The following AGBL4 variants were observed in gnomAD, a reference collection of about 807,000 sequenced individuals.
AGBL4 encodes cytosolic carboxypeptidase 6.
In AGBL4, 58 loss-of-function variants were observed where a neutral mutation model predicts 66.4. The observed-to-expected ratio is 0.87, with a 90% CI of 0.71 to 1.09. AGBL4 has a LOEUF of 1.09. Among genes scored for constraint, AGBL4 ranks in the 50% least tolerant of loss-of-function variants. The pLI is 0.00. For synonymous variants in AGBL4, 234 were observed against 222.9 expected (o/e 1.05, Z -0.44); for missense variants, 579 against 631.0 (o/e 0.92, Z 0.88).
At chr1:49,213,120 G>T (rs1247860603) in intron 4 of AGBL4, among the ~76,000 whole-genome samples, 1 of 152,048 alleles carries the variant, frequency 6.6e-6, no homozygotes, top group African/African-American at 2.4e-5. Context: ...TTCAATGGTG[G>T]AGAAGGGTAA....
At chr1:49,653,626 T>C (rs550012476) in intron 3 of AGBL4, among the ~76,000 whole-genome samples, 27 of 151,542 alleles carry the variant, frequency 1.8e-4, no homozygotes, top group African/African-American at 6.1e-4. Context: ...GAGATGAATA[T>C]AACTGACCTG....
chr1:48,541,428 C>A (rs1251157981), intron 11 of AGBL4, among the ~76,000 whole-genome samples: 1 of 152,202 alleles, frequency 6.6e-6, no homozygotes. Context: ...CACCTAAATA[C>A]CCACACACTC....
rs569516997 is a variant in AGBL4, at chr1:49,371,741, G to C, written c.283-125877C>G. Among the ~76,000 whole-genome samples, 11 of 151,568 alleles carry C rather than the reference G, an allele frequency of 7.3e-5. No homozygotes were observed. In the East Asian group the frequency reaches 1.9e-3, roughly 27 times the overall value. On this transcript the variant is annotated intron_variant, in intron 3 of 13. Transcript: ENST00000371839. ...ATAATGCAGAAGACTGCAGAACTTC[G>C]ATTTCAAAGCATCTGGATACCATTT... is the stretch of plus-strand genomic sequence containing the variant.
chr1:48,758,924 C>T (rs144903085), intron 6 of AGBL4: 643 of 1,543,970 alleles, frequency 4.2e-4, no homozygotes, highest in Non-Finnish European at 4.9e-4. Flanking sequence ...AGGAGCAGCA[C>T]GTCCTGGAGC....
intron 4 of AGBL4, among the ~76,000 whole-genome samples, chr1:49,160,030 G>T (rs1646510689): frequency 6.6e-6 from 1 of 152,134 alleles, no homozygotes; most frequent in Non-Finnish European, 1.5e-5. Flanking sequence ...GCTTGGAAGA[G>T]TTTGTTATTA....
chr1:49,657,646 G>T (rs1316852035), intron 3 of AGBL4, among the ~76,000 whole-genome samples: 2 of 152,214 alleles, frequency 1.3e-5, no homozygotes, highest in South Asian at 2.1e-4. Flanking sequence ...CATGGTACTG[G>T]TACCAAAACA....
At chr1:49,110,108 G>T (rs1483311389) in intron 4 of AGBL4, among the ~76,000 whole-genome samples, 1 of 152,106 alleles carries the variant, frequency 6.6e-6, no homozygotes, top group Non-Finnish European at 1.5e-5. Context: ...CTAATCCATT[G>T]ATCTTATTAC....
intron 1 of AGBL4, among the ~76,000 whole-genome samples, chr1:49,918,545 G>A (rs1485345933): frequency 6.6e-6 from 1 of 152,088 alleles, no homozygotes; most frequent in Non-Finnish European, 1.5e-5. Flanking sequence ...GGAAGAAGTT[G>A]AATCCCTGAA....
chr1:49,793,140 T>C (rs542434959), intron 2 of AGBL4, among the ~76,000 whole-genome samples: 2 of 152,142 alleles, frequency 1.3e-5, no homozygotes, highest in South Asian at 2.1e-4. Flanking sequence ...TTATGGACTA[T>C]CTCCCACACA....
intron 4 of AGBL4, among the ~76,000 whole-genome samples, chr1:49,165,821 G>C (rs1203942917): frequency 6.6e-6 from 1 of 151,972 alleles, no homozygotes; most frequent in African/African-American, 2.4e-5. Flanking sequence ...ATGCATGGTT[G>C]AATCATGCCC....
intron 3 of AGBL4, among the ~76,000 whole-genome samples, chr1:49,315,824 G>A (rs544783991): frequency 6.6e-6 from 1 of 152,094 alleles, no homozygotes; most frequent in Non-Finnish European, 1.5e-5. Flanking sequence ...GTTTATAGCA[G>A]CTTTATCCAT....
At chr1:48,924,966 T>C (rs1197501048) in intron 5 of AGBL4, among the ~76,000 whole-genome samples, 1 of 152,104 alleles carries the variant, frequency 6.6e-6, no homozygotes, top group Non-Finnish European at 1.5e-5. Flanking sequence ...ACTGAAAATA[T>C]GTTAAAAATA....
At chr1:49,612,145 T>C (rs992677128) in intron 3 of AGBL4, among the ~76,000 whole-genome samples, 6 of 152,208 alleles carry the variant, frequency 3.9e-5, no homozygotes, top group African/African-American at 1.4e-4. Flanking sequence ...TTATTTTTTC[T>C]ATGTGTGTAT....
At chr1:49,757,532 C>T (rs189885009) in intron 2 of AGBL4, among the ~76,000 whole-genome samples, 16 of 152,204 alleles carry the variant, frequency 1.1e-4, no homozygotes, top group Admixed American at 1.0e-3. Context: ...TTGGAACTTC[C>T]TAGAGACTTG....
intron 1 of AGBL4, among the ~76,000 whole-genome samples, chr1:50,021,077 T>C (rs1454889030): frequency 6.6e-6 from 1 of 152,252 alleles, no homozygotes; most frequent in Admixed American, 6.5e-5. Flanking sequence ...TCATCAATTT[T>C]CTACCATCAA....
intron 4 of AGBL4, among the ~76,000 whole-genome samples, chr1:49,053,081 G>A (rs972193625): frequency 2.6e-5 from 4 of 152,146 alleles, no homozygotes; most frequent in Non-Finnish European, 5.9e-5. Flanking sequence ...AATGGTAAAT[G>A]TGATACTCAT....
chr1:49,650,460 T>G (rs1571249299), intron 3 of AGBL4, among the ~76,000 whole-genome samples: 1 of 152,240 alleles, frequency 6.6e-6, no homozygotes, highest in East Asian at 1.9e-4. Flanking sequence ...ACTCAGAAAC[T>G]TCCTAGGGAC....
At chr1:49,399,559 T>C (rs988556033) in intron 3 of AGBL4, among the ~76,000 whole-genome samples, 1 of 152,186 alleles carries the variant, frequency 6.6e-6, no homozygotes, top group Admixed American at 6.5e-5. Context: ...AGGTGATATC[T>C]CATTGTAGTT....
intron 4 of AGBL4, among the ~76,000 whole-genome samples, chr1:49,091,342 CT>C (rs1645000051): frequency 6.6e-6 from 1 of 152,076 alleles, no homozygotes; most frequent in Admixed American, 6.6e-5. Flanking sequence ...CAACAAAGAT[CT>C]GACATCCAGA....
Sources: allele counts gnomAD v4.1 joint callset (sites outside exome capture counted in the v4.1 genomes callset), GRCh38; gene constraint gnomAD v4.1.1; transcripts MANE v1.5; gene names NCBI Gene and HGNC (gene_info 2026-07-23, HGNC 2026-07-21).